Variants in RNF150 observed in about 807,000 individuals in gnomAD.
The protein encoded by RNF150 is ring finger protein 150.
Under a neutral mutation model 39.3 loss-of-function variants are expected in RNF150, and 24 were observed. The observed-to-expected ratio is 0.61, with a 90% CI of 0.44 to 0.86. The LOEUF is 0.86. Ranked by LOEUF, RNF150 falls within the 40% of genes least tolerant of loss-of-function variation. The probability of loss-of-function intolerance (pLI) is 0.00; values close to 1 mark genes in which losing one functional copy is unlikely to be tolerated. For synonymous variants in RNF150, 255 were observed against 227.3 expected (o/e 1.12, Z -1.10); for missense variants, 502 against 587.8 (o/e 0.85, Z 1.51).
At chr4:141,096,584 G>A (rs1353492568) in intron 1 of RNF150, among the ~76,000 whole-genome samples, 1 of 152,134 alleles carries the variant, frequency 6.6e-6, no homozygotes, top group Admixed American at 6.5e-5. Context: ...TCCGAAGGAT[G>A]AACATGTTTA....
At chr4:141,071,406 T>C (rs1024283086) in intron 1 of RNF150, among the ~76,000 whole-genome samples, 2 of 144,360 alleles carry the variant, frequency 1.4e-5, no homozygotes, top group African/African-American at 2.6e-5. Flanking sequence ...AATAAGAAAA[T>C]TGGGTAGTAT....
intron 1 of RNF150, among the ~76,000 whole-genome samples, chr4:141,157,311 CGAA>C (rs1303245151): frequency 1.3e-5 from 2 of 152,100 alleles, no homozygotes; most frequent in African/African-American, 2.4e-5. Context: ...ACTGCTGCAC[CGAA>C]GAAGATGTCA....
intron 5 of RNF150, among the ~76,000 whole-genome samples, chr4:140,913,276 A>C (rs1389912758): frequency 6.6e-6 from 1 of 152,052 alleles, no homozygotes; most frequent in Non-Finnish European, 1.5e-5. Context: ...ACAAAACAAA[A>C]CAAAACAAAA....
intron 1 of RNF150, among the ~76,000 whole-genome samples, chr4:141,150,160 T>G (rs1727273066): frequency 2.0e-5 from 3 of 152,242 alleles, no homozygotes; most frequent in Admixed American, 6.5e-5. Context: ...TACTATTTTG[T>G]GCATCTATCA....
chr4:140,881,588 G>A (rs1371904666), intron 6 of RNF150, among the ~76,000 whole-genome samples: 1 of 152,166 alleles, frequency 6.6e-6, no homozygotes, highest in African/African-American at 2.4e-5. Flanking sequence ...ATACAAGAGA[G>A]TGTTGGTTGG....
chr4:141,189,884 A>G (rs951283006), intron 1 of RNF150, among the ~76,000 whole-genome samples: 18 of 152,192 alleles, frequency 1.2e-4, no homozygotes, highest in African/African-American at 4.1e-4. Flanking sequence ...CCCTGGCTTC[A>G]GCCCCGTTTC....
In RNF150 at chr4:140,877,195, C is replaced by T. The variant is rs780881968; in HGVS notation, c.1199-8816G>A. ...TTCCTTACTGATTTCCTTGGCAGTT[C>T]ATTCATTGAGTCATTCCTTGCTAAG... On this transcript the variant is annotated intron_variant, in intron 6 of 6. Transcript: ENST00000515673. 4.6e-5 allele frequency among the ~76,000 whole-genome samples: 7 copies of T among 152,188 alleles called. 1 individual carries two copies. The East Asian group carries it at 1.2e-3, about 25-fold the overall frequency.
chr4:140,984,095 C>T (rs946667826), intron 1 of RNF150, among the ~76,000 whole-genome samples: 2 of 152,068 alleles, frequency 1.3e-5, no homozygotes, highest in African/African-American at 4.8e-5. Context: ...GAATTTTCCA[C>T]TTGCGGTGTT....
chr4:140,926,387 AGTGGGGAAACTT>A (rs1472954362), intron 4 of RNF150, among the ~76,000 whole-genome samples: 7 of 152,200 alleles, frequency 4.6e-5, no homozygotes, highest in Non-Finnish European at 1.0e-4. Context: ...AAATAATGCA[AGTGGGGAAACTT>A]GTACACACCT....
At chr4:141,175,156 G>A (rs1727788833) in intron 1 of RNF150, among the ~76,000 whole-genome samples, 1 of 152,188 alleles carries the variant, frequency 6.6e-6, no homozygotes, top group African/African-American at 2.4e-5. Flanking sequence ...ACAAACGGGA[G>A]TCTTCAGGCA....
In RNF150 at chr4:140,862,055, T is replaced by C. The variant is rs987649193; in HGVS notation, c.*6206A>G. 4 of 152,188 alleles carry C rather than the reference T, an allele frequency of 2.6e-5. No homozygotes were observed. Among genetic ancestry groups the C allele is most frequent in the African/African-American group, 9.7e-5 (4 of 41,438 alleles). The allele number at this position is 152,188 out of a possible 1,614,324, so 9.4% of individuals were successfully genotyped here. On this transcript the variant is annotated 3_prime_UTR_variant, in exon 7 of 7. Coordinates refer to ENST00000515673, the MANE Select transcript of RNF150 (RefSeq NM_020724.2). Reference sequence around the variant, plus strand: ...AAGAAACATGTGTTCATTTGGATGGTGATCAGTCTTTGGTTTATATAGCAC... The same window carrying C: ...AAGAAACATGTGTTCATTTGGATGGCGATCAGTCTTTGGTTTATATAGCAC...
intron 1 of RNF150, among the ~76,000 whole-genome samples, chr4:141,035,617 CT>C (rs1340781812): frequency 2.0e-5 from 3 of 152,170 alleles, no homozygotes; most frequent in African/African-American, 7.2e-5. Context: ...ATTAATAACC[CT>C]GCTGAAGGCT....
chr4:140,875,723 T>G (rs1729130958), intron 6 of RNF150, among the ~76,000 whole-genome samples: 1 of 151,936 alleles, frequency 6.6e-6, no homozygotes, highest in African/African-American at 2.4e-5. Flanking sequence ...TTGTTTGTGT[T>G]TTTTTTTAAT....
chr4:141,059,216 A>G (rs1215168975), intron 1 of RNF150, among the ~76,000 whole-genome samples: 1 of 152,074 alleles, frequency 6.6e-6, no homozygotes. Context: ...CTGAGATTTT[A>G]TTGGCCATCA....
intron 1 of RNF150, among the ~76,000 whole-genome samples, chr4:140,975,585 G>GTAC (rs1312971458): frequency 4.6e-5 from 7 of 152,040 alleles, no homozygotes; most frequent in African/African-American, 1.7e-4. Context: ...TACTCATTTG[G>GTAC]TACTATCTTT....
At chr4:141,155,928 C>CAA (rs1553951626) in intron 1 of RNF150, among the ~76,000 whole-genome samples, 3 of 151,132 alleles carry the variant, frequency 2.0e-5, no homozygotes, top group Non-Finnish European at 4.4e-5. Flanking sequence ...AAAGAAAAGT[C>CAA]TGGTGGTTAG....
intron 1 of RNF150, among the ~76,000 whole-genome samples, chr4:141,006,649 G>T (rs1452767598): frequency 6.6e-6 from 1 of 152,168 alleles, no homozygotes; most frequent in African/African-American, 2.4e-5. Context: ...GGGACAAGGA[G>T]GTGCACTGAT....
At chr4:141,171,658 C>G (rs1182676960) in intron 1 of RNF150, among the ~76,000 whole-genome samples, 1 of 152,194 alleles carries the variant, frequency 6.6e-6, no homozygotes, top group Non-Finnish European at 1.5e-5. Flanking sequence ...ATTGAATGTA[C>G]TACAATGTAT....
chr4:140,948,677 T>C (rs573757085), intron 3 of RNF150, among the ~76,000 whole-genome samples: 53 of 152,340 alleles, frequency 3.5e-4, no homozygotes, highest in African/African-American at 1.2e-3. Context: ...TGGCCTCAAG[T>C]GATCTACCTA....
Sources: allele counts gnomAD v4.1 joint callset (sites outside exome capture counted in the v4.1 genomes callset), GRCh38; gene constraint gnomAD v4.1.1; transcripts MANE v1.5; gene names NCBI Gene and HGNC (gene_info 2026-07-23, HGNC 2026-07-21).